The following PRR16 variants were observed in gnomAD, a reference collection of about 807,000 sequenced individuals.
PRR16 encodes the protein proline rich 16.
A neutral mutation model predicts 18.2 loss-of-function variants in PRR16; 6 were observed. That is an observed-to-expected ratio of 0.33 (90% CI 0.18 to 0.65). PRR16 has a LOEUF of 0.65. PRR16 is among the 30% of genes least tolerant of loss of function. The probability of loss-of-function intolerance (pLI) is 0.74; values close to 1 mark genes in which losing one functional copy is unlikely to be tolerated. For missense variants in PRR16, 412 were observed against 376.6 expected (o/e 1.09, Z -0.78); for synonymous variants, 151 against 147.8 (o/e 1.02, Z -0.16).
chr5:120,497,384 ATTTT>A (rs765496177), intron 1 of PRR16, among the ~76,000 whole-genome samples: 1 of 84,176 alleles, frequency 1.2e-5, no homozygotes, highest in Non-Finnish European at 2.2e-5. Context: ...TGATGAACTG[ATTTT>A]TTTTTTTTTT....
chr5:120,471,426 C>T (rs929969324), intron 1 of PRR16, among the ~76,000 whole-genome samples: 3 of 152,052 alleles, frequency 2.0e-5, no homozygotes, highest in African/African-American at 7.2e-5. Flanking sequence ...AGAAGAGAGG[C>T]ACTATCCTTA....
At chr5:120,530,281 A>T (rs10213923) in intron 1 of PRR16, among the ~76,000 whole-genome samples, 1,500 of 92,666 alleles carry the variant, frequency 0.016, 57 homozygotes, top group African/African-American at 0.037. Flanking sequence ...ATATATATAT[A>T]TATTTATTTA....
chr5:120,519,738 T>A lies in PRR16; in HGVS notation c.159+55093T>A, dbSNP rs561945759. On this transcript the variant is annotated intron_variant, in intron 1 of 1. Coordinates refer to ENST00000407149, the MANE Select transcript of PRR16 (RefSeq NM_001300783.2). ...CAATGAAAGAGCAGCTTTTATTTTTTAAAAAAATAGAAATTAAGAGAAAAG... is the reference window on the plus strand; with the variant it reads ...CAATGAAAGAGCAGCTTTTATTTTTAAAAAAAATAGAAATTAAGAGAAAAG... 4.4e-3 allele frequency among the ~76,000 whole-genome samples: 664 copies of A among 152,168 alleles called. 4 individuals are homozygous for A. The highest frequency in any genetic ancestry group is 7.5e-3 in the Non-Finnish European group (512 of 67,992).
chr5:120,563,321 C>T (rs1752633942), intron 1 of PRR16, among the ~76,000 whole-genome samples: 1 of 152,184 alleles, frequency 6.6e-6, no homozygotes, highest in Non-Finnish European at 1.5e-5. Context: ...TGTGGACTTC[C>T]CTTCAAGATG....
chr5:120,627,990 C>A (rs2112833426), intron 1 of PRR16, among the ~76,000 whole-genome samples: 1 of 151,998 alleles, frequency 6.6e-6, no homozygotes, highest in Middle Eastern at 3.4e-3. Flanking sequence ...ATAATATTTC[C>A]TTTCTGTTGT....
chr5:120,521,830 C>A (rs980217519), intron 1 of PRR16, among the ~76,000 whole-genome samples: 1 of 152,096 alleles, frequency 6.6e-6, no homozygotes, highest in East Asian at 1.9e-4. Context: ...CTTTCCCTTA[C>A]CCCACCATAG....
chr5:120,780,156 AACTT>A, the PRR16 span, among the ~76,000 whole-genome samples: 5 of 152,150 alleles, frequency 3.3e-5, no homozygotes, highest in Non-Finnish European at 5.9e-5. Context: ...CATGGGATGG[AACTT>A]ACTTATGAGC....
At chr5:120,777,793 GT>G in the PRR16 span, among the ~76,000 whole-genome samples, 1 of 152,090 alleles carries the variant, frequency 6.6e-6, no homozygotes, top group African/African-American at 2.4e-5. Flanking sequence ...ATTAAAGTCA[GT>G]GCTGATTGAT....
chr5:120,618,912 A>G lies in PRR16; in HGVS notation c.160-67042A>G, dbSNP rs1754598971. ...CGTTCACCTGACCTAAAGGACCAGA[A>G]AATTCAAGACATAGTGTCCATGTAT... On this transcript the variant is annotated intron_variant, in intron 1 of 1. Coordinates refer to ENST00000407149, the MANE Select transcript of PRR16 (RefSeq NM_001300783.2). Among the ~76,000 whole-genome samples the G allele has an allele frequency of 2.6e-5, 4 of 152,244 alleles. No individual in the cohort carries two copies. The South Asian group carries it at 6.2e-4, about 24-fold the overall frequency.
chr5:120,781,748 T>C, the PRR16 span, among the ~76,000 whole-genome samples: 1 of 152,208 alleles, frequency 6.6e-6, no homozygotes, highest in Non-Finnish European at 1.5e-5. Flanking sequence ...AAAGCAGTTT[T>C]TTTCTTGTGC....
At chr5:120,724,019 C>T in the PRR16 span, among the ~76,000 whole-genome samples, 1 of 150,830 alleles carries the variant, frequency 6.6e-6, no homozygotes, top group Admixed American at 6.6e-5. Flanking sequence ...AGTGGGTGAC[C>T]TCTGTTTGCA....
chr5:120,785,551 G>T, the PRR16 span, among the ~76,000 whole-genome samples: 169 of 136,568 alleles, frequency 1.2e-3, no homozygotes, highest in Middle Eastern at 4.1e-3. Flanking sequence ...CTCTGTGTAT[G>T]TGTGTGTGTG....
chr5:120,559,485 T>G (rs1013479226), intron 1 of PRR16, among the ~76,000 whole-genome samples: 1 of 151,916 alleles, frequency 6.6e-6, no homozygotes, highest in Non-Finnish European at 1.5e-5. Context: ...GATTTGTTTC[T>G]GGGGTCTCTA....
At chr5:120,490,165 G>T (rs188539379) in intron 1 of PRR16, among the ~76,000 whole-genome samples, 1 of 152,014 alleles carries the variant, frequency 6.6e-6, no homozygotes, top group Admixed American at 6.6e-5. Flanking sequence ...TCTTTGTGGC[G>T]TTCTCTGTAT....
chr5:120,751,906 C>T, the PRR16 span, among the ~76,000 whole-genome samples: 1 of 151,972 alleles, frequency 6.6e-6, no homozygotes, highest in Non-Finnish European at 1.5e-5. Flanking sequence ...TTTGCCTCCT[C>T]AGAATTATGT....
the PRR16 span, among the ~76,000 whole-genome samples, chr5:120,717,812 G>A: frequency 6.6e-6 from 1 of 152,084 alleles, no homozygotes; most frequent in Non-Finnish European, 1.5e-5. Context: ...AATTAAATTT[G>A]AATGTCAGAA....
intron 1 of PRR16, among the ~76,000 whole-genome samples, chr5:120,493,774 G>A (rs1001008791): frequency 6.6e-6 from 1 of 152,126 alleles, no homozygotes; most frequent in Non-Finnish European, 1.5e-5. Context: ...TATATAAGCA[G>A]AATAAAATTA....
the PRR16 span, among the ~76,000 whole-genome samples, chr5:120,772,697 A>G: frequency 6.6e-6 from 1 of 152,078 alleles, no homozygotes; most frequent in African/African-American, 2.4e-5. Flanking sequence ...ATTAGGCACC[A>G]AATACCATGG....
intron 1 of PRR16, among the ~76,000 whole-genome samples, chr5:120,594,855 G>A (rs931571268): frequency 6.6e-5 from 10 of 151,772 alleles, no homozygotes; most frequent in African/African-American, 2.4e-4. Context: ...AAGCAATGGG[G>A]AAAGGACTCC....
Sources: gnomAD v4.1 joint callset for allele counts (sites outside exome capture counted in the v4.1 genomes callset) on GRCh38, gnomAD v4.1.1 for gene constraint, MANE v1.5 for transcripts, NCBI Gene and HGNC (gene_info 2026-07-23, HGNC 2026-07-21) for gene names.